TOX2: variants seen among roughly 807,000 people sequenced by gnomAD.
The protein encoded by TOX2 is granulosa cell HMG box 1.
Under a neutral mutation model 47.4 loss-of-function variants are expected in TOX2, and 15 were observed. That is an observed-to-expected ratio of 0.32 (90% CI 0.21 to 0.49). The LOEUF (loss-of-function observed/expected upper bound fraction) is 0.49, where lower values mean the gene tolerates loss of function less well. TOX2 is among the 20% of genes least tolerant of loss of function. The probability of loss-of-function intolerance (pLI) is 0.99; values close to 1 mark genes in which losing one functional copy is unlikely to be tolerated. For synonymous variants in TOX2, 290 were observed against 296.6 expected (o/e 0.98, Z 0.23); for missense variants, 622 against 673.1 (o/e 0.92, Z 0.84).
At chr20:44,043,361 A>G (rs1159712711) in intron 3 of TOX2, among the ~76,000 whole-genome samples, 2 of 152,224 alleles carry the variant, frequency 1.3e-5, no homozygotes, top group African/African-American at 4.8e-5. Context: ...GTACAAGTTA[A>G]GGTCCCTTTG....
chr20:44,021,060 G>T (rs1293426764), intron 3 of TOX2, among the ~76,000 whole-genome samples: 1 of 152,088 alleles, frequency 6.6e-6, no homozygotes, highest in Non-Finnish European at 1.5e-5. Context: ...GCCTCATCCT[G>T]GGGTGCTTCA....
At chr20:43,952,065 T>TTC (rs2069584953) in intron 1 of TOX2, among the ~76,000 whole-genome samples, 3 of 151,428 alleles carry the variant, frequency 2.0e-5, no homozygotes, top group Non-Finnish European at 4.4e-5. Flanking sequence ...CCCGGCTGAT[T>TTC]TTTTTTTTAA....
At chr20:43,930,746 T>TA (rs1316025649) in intron 1 of TOX2, among the ~76,000 whole-genome samples, 1 of 152,162 alleles carries the variant, frequency 6.6e-6, no homozygotes, top group African/African-American at 2.4e-5. Flanking sequence ...TCTTCTTTTT[T>TA]AAAAAAATTA....
At chr20:44,033,198 C>T (rs539486739) in intron 3 of TOX2, among the ~76,000 whole-genome samples, 1 of 152,134 alleles carries the variant, frequency 6.6e-6, no homozygotes, top group African/African-American at 2.4e-5. Context: ...GAGGCAGGCA[C>T]GGGGGAGGCT....
At chr20:44,044,422 TAAAAA>T (rs3037502) in intron 3 of TOX2, among the ~76,000 whole-genome samples, 1 of 143,472 alleles carries the variant, frequency 7.0e-6, no homozygotes, top group Non-Finnish European at 1.5e-5. Context: ...ACTTAAAGCA[TAAAAA>T]AAAAAAAAAG....
At chr20:43,926,260 G>T (rs1315045963) in intron 1 of TOX2, among the ~76,000 whole-genome samples, 2 of 152,046 alleles carry the variant, frequency 1.3e-5, no homozygotes, top group African/African-American at 2.4e-5. Context: ...ATTTAGGAAG[G>T]TCTCCCACCC....
chr20:44,041,492 C>T (rs1229333389), intron 3 of TOX2, among the ~76,000 whole-genome samples: 2 of 151,946 alleles, frequency 1.3e-5, no homozygotes, highest in African/African-American at 2.4e-5. Flanking sequence ...AGTGGCTGTC[C>T]CCATGTTTTT....
chr20:44,058,183 C>T (rs6065696), intron 5 of TOX2, among the ~76,000 whole-genome samples: 17,069 of 152,204 alleles, frequency 0.11, 1,055 homozygotes, highest in African/African-American at 0.16. Context: ...TGTGAGTTGG[C>T]GTGCTTTCTC....
At position 43,928,084 on chromosome 20, in the gene TOX2, G is replaced by C. The variant is rs147766217; in HGVS notation, c.99+13094G>C. ...TTGAAGGTGAGTAGAACTTGGCCAA[G>C]TGAAGAAGGTAGGGAAAAGCATTCC... On this transcript the variant is annotated intron_variant, in intron 1 of 8. Coordinates refer to ENST00000341197, the MANE Select transcript of TOX2 (RefSeq NM_001098797.2). Among the ~76,000 whole-genome samples the C allele has an allele frequency of 1.9e-3, 282 of 152,292 alleles. 1 individual carries two copies. Among genetic ancestry groups the C allele is most frequent in the African/African-American group, 6.6e-3 (276 of 41,560 alleles).
intron 1 of TOX2, among the ~76,000 whole-genome samples, chr20:43,943,981 G>A (rs2069433829): frequency 6.6e-6 from 1 of 152,152 alleles, no homozygotes; most frequent in Admixed American, 6.6e-5. Context: ...ATCATCCTAA[G>A]CTTATATAAA....
At chr20:43,934,629 C>A (rs1198482759) in intron 1 of TOX2, among the ~76,000 whole-genome samples, 1 of 152,012 alleles carries the variant, frequency 6.6e-6, no homozygotes, top group Non-Finnish European at 1.5e-5. Flanking sequence ...CACTGACTAC[C>A]AGGCTCTGGG....
chr20:44,040,245 G>A (rs966687643), intron 3 of TOX2, among the ~76,000 whole-genome samples: 1 of 152,174 alleles, frequency 6.6e-6, no homozygotes, highest in Non-Finnish European at 1.5e-5. Flanking sequence ...CTATCTGTAG[G>A]TGTCTATGGA....
chr20:44,032,076 C>T (rs138235727), intron 3 of TOX2, among the ~76,000 whole-genome samples: 104 of 152,158 alleles, frequency 6.8e-4, no homozygotes, highest in African/African-American at 2.1e-3. Flanking sequence ...AATGCTGGCC[C>T]GGTGTGAGGG....
intron 2 of TOX2, 141 bp downstream of exon 2, chr20:43,973,573 A>G: frequency 1.4e-6 from 1 of 694,678 alleles, no homozygotes; most frequent in Non-Finnish European, 2.5e-6. Flanking sequence ...CAAGAATAGC[A>G]ATAGTCTCCT....
At chr20:44,056,208 T>G (rs1205968973) in intron 5 of TOX2, among the ~76,000 whole-genome samples, 2 of 152,174 alleles carry the variant, frequency 1.3e-5, no homozygotes, top group African/African-American at 4.8e-5. Flanking sequence ...ACCCCTGGCC[T>G]GCTACACATG....
intron 3 of TOX2, among the ~76,000 whole-genome samples, chr20:44,040,065 G>A (rs1339058571): frequency 6.6e-6 from 1 of 152,210 alleles, no homozygotes; most frequent in African/African-American, 2.4e-5. Flanking sequence ...TAGGGGTCTC[G>A]TGAGCTGGTA....
At chr20:44,052,491 CA>C (rs1338485536) in intron 4 of TOX2, among the ~76,000 whole-genome samples, 1 of 152,196 alleles carries the variant, frequency 6.6e-6, no homozygotes, top group African/African-American at 2.4e-5. Flanking sequence ...AGGCCTAGGG[CA>C]GTAACCCTGG....
chr20:43,932,606 G>A (rs1313413295), intron 1 of TOX2, among the ~76,000 whole-genome samples: 1 of 152,198 alleles, frequency 6.6e-6, no homozygotes, highest in African/African-American at 2.4e-5. Flanking sequence ...GATTATTGCA[G>A]CCTTTGGGGC....
intron 2 of TOX2, among the ~76,000 whole-genome samples, chr20:43,978,941 G>A (rs2070126511): frequency 6.6e-6 from 1 of 152,128 alleles, no homozygotes; most frequent in South Asian, 2.1e-4. Flanking sequence ...TGTGGCAGAG[G>A]GGATGGAAAG....
Sources: allele counts gnomAD v4.1 joint callset (sites outside exome capture counted in the v4.1 genomes callset), GRCh38; gene constraint gnomAD v4.1.1; transcripts MANE v1.5; gene names NCBI Gene and HGNC (gene_info 2026-07-23, HGNC 2026-07-21).